MAP3K19: variants seen among roughly 807,000 people sequenced by gnomAD.
MAP3K19 encodes the protein mitogen-activated protein kinase kinase kinase 19.
MAP3K19 carries 91 observed loss-of-function variants against 114.4 expected under a neutral mutation model. The ratio of observed to expected loss-of-function variants is 0.80; its 90% CI spans 0.67 to 0.95. The LOEUF (loss-of-function observed/expected upper bound fraction) is 0.95, where lower values mean the gene tolerates loss of function less well. MAP3K19 is among the 40% of genes least tolerant of loss of function. MAP3K19 has a pLI of 0.00. For missense variants in MAP3K19, 1,471 were observed against 1,573.2 expected (o/e 0.94, Z 1.10); for synonymous variants, 518 against 530.5 (o/e 0.98, Z 0.32).
At chr2:134,990,422 G>A (rs1157551872) in intron 9 of MAP3K19, among the ~76,000 whole-genome samples, 2 of 151,476 alleles carry the variant, frequency 1.3e-5, no homozygotes, top group Non-Finnish European at 2.9e-5. Context: ...TTAATGAAGA[G>A]TAAATATATT....
intron 8 of MAP3K19, among the ~76,000 whole-genome samples, chr2:134,994,095 CAAATCACACTA>C (rs1404194646): frequency 6.6e-6 from 1 of 152,140 alleles, no homozygotes; most frequent in Non-Finnish European, 1.5e-5. Flanking sequence ...AATCCCTCCA[CAAATCACACTA>C]AAATCACAGT....
At chr2:135,034,353 G>A (rs1274831906) in intron 2 of MAP3K19, among the ~76,000 whole-genome samples, 4 of 123,080 alleles carry the variant, frequency 3.2e-5, no homozygotes, top group African/African-American at 1.2e-4. Flanking sequence ...GGCTCCTCAC[G>A]TCCCAGACGA....
chr2:135,043,353 C>T (rs1425721487), intron 1 of MAP3K19, among the ~76,000 whole-genome samples: 1 of 152,152 alleles, frequency 6.6e-6, no homozygotes, highest in African/African-American at 2.4e-5. Flanking sequence ...TGAACATAAA[C>T]ATTTCCTTGT....
intron 6 of MAP3K19, among the ~76,000 whole-genome samples, chr2:135,004,531 C>T (rs1686676623): frequency 6.6e-6 from 1 of 152,142 alleles, no homozygotes; most frequent in Non-Finnish European, 1.5e-5. Flanking sequence ...TCAAAGAGGG[C>T]GGCTTCCCTG....
intron 4 of MAP3K19, among the ~76,000 whole-genome samples, chr2:135,022,858 C>T (rs555265281): frequency 6.6e-6 from 1 of 152,150 alleles, no homozygotes; most frequent in South Asian, 2.1e-4. Context: ...CTATAGTTGC[C>T]CAGGACAAAG....
chr2:135,024,439 C>T (rs1688173015), intron 4 of MAP3K19, among the ~76,000 whole-genome samples, 187 bp downstream of exon 4: 1 of 152,196 alleles, frequency 6.6e-6, no homozygotes, highest in African/African-American at 2.4e-5. Flanking sequence ...AAAGTTTAAA[C>T]CTTGCGTTAG....
chr2:134,989,742 A>G (rs1685423037), intron 9 of MAP3K19, among the ~76,000 whole-genome samples: 1 of 152,180 alleles, frequency 6.6e-6, no homozygotes, highest in Non-Finnish European at 1.5e-5. Context: ...CACTGGGGGA[A>G]AGAAAAGAAT....
rs1685235285 is a variant in MAP3K19 at position 134,987,556 on chromosome 2, A to G, written c.1316T>C (p.Val439Ala). The change falls in exon 10 of 13, where the codon GTA becomes GCA. Residue 439 changes from valine to alanine, a missense_variant. Val to Ala is a moderately conservative substitution (Grantham distance 64). Transcript: ENST00000392915. ...EPNNILEECT[V>A]LKSLSSVVFD... ...GACTACACTGGATAAGCTTTTAAGT[A>G]CAGTACACTCTTCTAAAATATTGTT... The G allele has an allele frequency of 6.2e-7, 1 of 1,614,212 alleles. No homozygotes were observed. Among genetic ancestry groups the G allele is most frequent in the Non-Finnish European group, 8.5e-7 (1 of 1,180,034 alleles).
chr2:134,992,705 TG>T (rs1685670959), intron 8 of MAP3K19, among the ~76,000 whole-genome samples: 1 of 152,090 alleles, frequency 6.6e-6, no homozygotes, highest in African/African-American at 2.4e-5. Context: ...GGTCTCGCTC[TG>T]TCGCCCAGGC....
Position 134,983,320 on chromosome 2 carries a change from T to C in MAP3K19, c.3222+356A>G, listed in dbSNP as rs747118037. The C allele has an allele frequency of 3.6e-5, 20 of 552,860 alleles. 3 individuals carry two copies. The highest frequency in any genetic ancestry group is 2.5e-4 in the South Asian group (18 of 71,736). 34.2% of individuals were successfully genotyped at this position (552,860 alleles called of 1,614,324 possible). A position where few individuals can be genotyped will look rare whatever the true frequency, so the allele number is the denominator to read the frequency against. ...GTTGAAGGAAGATATTTCTTTCCCA[T>C]TGGACTTGAACCTGGGAGGATGAGA... On this transcript the variant is annotated intron_variant, in intron 11 of 12. Coordinates refer to ENST00000392915, the MANE Select transcript of MAP3K19 (RefSeq NM_025052.5).
intron 1 of MAP3K19, among the ~76,000 whole-genome samples, chr2:135,040,911 G>A (rs909000752): frequency 6.6e-6 from 1 of 152,136 alleles, no homozygotes; most frequent in Non-Finnish European, 1.5e-5. Context: ...GTGTGACCAC[G>A]ACCATATGGC....
At chr2:134,989,951 A>G (rs578161459) in intron 9 of MAP3K19, among the ~76,000 whole-genome samples, 3 of 151,960 alleles carry the variant, frequency 2.0e-5, no homozygotes, top group South Asian at 2.1e-4. Flanking sequence ...GTGTGGTGGC[A>G]GGTGCCTGTA....
At chr2:134,982,113 CTTTTTTTTTT>C (rs35219224) in intron 11 of MAP3K19, among the ~76,000 whole-genome samples, 5 of 76,352 alleles carry the variant, frequency 6.5e-5, no homozygotes, top group East Asian at 3.7e-4. Context: ...CTTTTTCTTT[CTTTTTTTTTT>C]TTTTTTTTTT....
chr2:134,984,809 A>G (rs1444413243), intron 10 of MAP3K19, among the ~76,000 whole-genome samples: 1 of 152,112 alleles, frequency 6.6e-6, no homozygotes, highest in Non-Finnish European at 1.5e-5. Context: ...AAAATTATCC[A>G]GGCGTGGTGG....
intron 10 of MAP3K19, among the ~76,000 whole-genome samples, chr2:134,984,513 T>C (rs1684952288): frequency 6.6e-6 from 1 of 152,108 alleles, no homozygotes; most frequent in African/African-American, 2.4e-5. Context: ...ATCAACCCAT[T>C]ATCTACAGTA....
At chr2:135,034,697 G>T (rs1445364439) in intron 2 of MAP3K19, among the ~76,000 whole-genome samples, 2 of 143,258 alleles carry the variant, frequency 1.4e-5, no homozygotes, top group East Asian at 4.1e-4. Flanking sequence ...CACTCGGCAG[G>T]CTGAGGCAGG....
At chr2:135,007,005 A>G (rs1686865272) in intron 5 of MAP3K19, among the ~76,000 whole-genome samples, 1 of 152,082 alleles carries the variant, frequency 6.6e-6, no homozygotes, top group Non-Finnish European at 1.5e-5. Context: ...CTCTACAAAA[A>G]ATACAAAAAT....
At chr2:135,005,683 T>A in intron 5 of MAP3K19, 152 bp from the exon 6 acceptor site, 1 of 629,094 alleles carries the variant, frequency 1.6e-6, no homozygotes, top group Non-Finnish European at 2.8e-6. Context: ...AATAAGAAAG[T>A]ATCTGCCCTT....
intron 3 of MAP3K19, 37 bp from the exon 4 acceptor site, chr2:135,024,778 T>C (rs1688191581): frequency 9.6e-6 from 7 of 727,758 alleles, no homozygotes; most frequent in Non-Finnish European, 1.6e-5. Context: ...GTTTATTTAG[T>C]TGAATCTGTT....
Sources: allele counts gnomAD v4.1 joint callset (sites outside exome capture counted in the v4.1 genomes callset), GRCh38; gene constraint gnomAD v4.1.1; transcripts MANE v1.5; gene names NCBI Gene and HGNC (gene_info 2026-07-23, HGNC 2026-07-21).